The following SEPHS1 variants were observed in gnomAD, a reference collection of about 807,000 sequenced individuals.
SEPHS1 encodes selenophosphate synthetase 1.
Under a neutral mutation model 39.2 loss-of-function variants are expected in SEPHS1, and 7 were observed. The observed-to-expected ratio is 0.18, with a 90% CI of 0.10 to 0.34. The LOEUF (loss-of-function observed/expected upper bound fraction) is 0.34, where lower values mean the gene tolerates loss of function less well. SEPHS1 is among the 10% of genes least tolerant of loss of function. SEPHS1 has a pLI of 1.00. For missense variants in SEPHS1, 253 were observed against 514.5 expected, an observed-to-expected ratio of 0.49 and a Z score of 4.92; for synonymous variants, 190 against 195.5, an observed-to-expected ratio of 0.97 and a Z score of 0.23.
intron 7 of SEPHS1, among the ~76,000 whole-genome samples, chr10:13,324,369 G>A (rs907510982): frequency 2.0e-5 from 3 of 152,176 alleles, no homozygotes; most frequent in African/African-American, 4.8e-5. Context: ...CCAAGTTCTG[G>A]CAATTATGAA....
In SEPHS1 at chr10:13,330,089, A is replaced by AC. The variant is rs755023269; in HGVS notation, c.561-302dup. 6.6e-5 allele frequency among the ~76,000 whole-genome samples: 10 copies of AC among 152,190 alleles called. No homozygotes were observed. In the South Asian group the frequency reaches 2.1e-3, roughly 32 times the overall value. ...GGAGTTCAGGACCAGCCTGGGCAAC[A>AC]CAACAAGGACCCCATTTCAAAAATA... is the stretch of plus-strand genomic sequence containing the variant. On this transcript the variant is annotated intron_variant, in intron 5 of 8. Transcript: ENST00000327347.
chr10:13,344,919 C>A lies in SEPHS1; in HGVS notation c.32G>T (p.Ser11Ile). ...CCGGAAGCTTTTGTCCAATTCGTAACTTTCCGGGTTAAAGGACTCCCGCGT... is the reference window on the plus strand; with the variant it reads ...CCGGAAGCTTTTGTCCAATTCGTAAATTTCCGGGTTAAAGGACTCCCGCGT... MSTRESFNPE[S>I]YELDKSFRLT... The change falls in exon 2 of 9, where the codon AGT becomes ATT. Residue 11 changes from serine (S) to isoleucine (I), a missense_variant. This residue lies in a region of SEPHS1 where 123 missense variants were observed against 196.8 expected (regional missense o/e 0.62). Transcript: ENST00000327347. 1 of 1,592,528 alleles carries A rather than the reference C, an allele frequency of 6.3e-7. No homozygotes were observed. Among genetic ancestry groups the A allele is most frequent in the Non-Finnish European group, 8.6e-7 (1 of 1,168,428 alleles).
chr10:13,320,965 GA>G (rs1339348242), intron 8 of SEPHS1, among the ~76,000 whole-genome samples: 1 of 152,138 alleles, frequency 6.6e-6, no homozygotes, highest in Non-Finnish European at 1.5e-5. Context: ...ACCAGCAGGG[GA>G]AAAAAACCCT....
rs183467502 is a variant in SEPHS1 at position 13,320,263 on chromosome 10, G to A, written c.965-907C>T. 6.8e-3 allele frequency among the ~76,000 whole-genome samples: 1,030 copies of A among 151,008 alleles called. 8 individuals are homozygous for A. The highest frequency in any genetic ancestry group is 0.024 in the African/African-American group (994 of 41,106). On this transcript the variant is annotated intron_variant, in intron 8 of 8. Coordinates refer to ENST00000327347, the MANE Select transcript of SEPHS1 (RefSeq NM_012247.5). The stretch of plus-strand genomic sequence containing the variant: ...GTGGTGTGATCTCGGCTCACTGCAA[G>A]CTCCACCTCCCGGGTTCACACCATT...
chr10:13,320,416 C>T (rs183791823), intron 8 of SEPHS1, among the ~76,000 whole-genome samples: 20,219 of 151,432 alleles, frequency 0.13, 1,610 homozygotes, highest in Non-Finnish European at 0.18. Context: ...CTCCTGACCT[C>T]GTGATCCACC....
intron 2 of SEPHS1, among the ~76,000 whole-genome samples, chr10:13,341,979 A>AG (rs34774726): frequency 9.6e-5 from 5 of 51,906 alleles, no homozygotes; most frequent in Non-Finnish European, 2.7e-4. Flanking sequence ...TATCTCAAGG[A>AG]AAAAAAAAAA....
Position 13,341,724 on chromosome 10 carries a change from A to G in SEPHS1, c.194-2916T>C, listed in dbSNP as rs1003592877. Among the ~76,000 whole-genome samples the G allele has an allele frequency of 2.0e-5, 3 of 152,066 alleles. No individual in the cohort carries two copies. The South Asian group carries it at 6.2e-4, about 31-fold the overall frequency. On this transcript the variant is annotated intron_variant, in intron 2 of 8. Transcript: ENST00000327347. Reference sequence around the variant, plus strand: ...TTAATCCCAGCACTTTGGGAGGCCGAGGTGGGCAGATCACTTAGAGTCAGG... The same window carrying G: ...TTAATCCCAGCACTTTGGGAGGCCGGGGTGGGCAGATCACTTAGAGTCAGG...
intron 3 of SEPHS1, among the ~76,000 whole-genome samples, chr10:13,337,159 C>CA (rs113227904): frequency 1.6e-3 from 219 of 140,408 alleles, no homozygotes; most frequent in African/African-American, 3.9e-3. Flanking sequence ...TAAACAACAA[C>CA]AAAAAAAAAA....
At chr10:13,336,051 G>T (rs1027820649) in intron 4 of SEPHS1, among the ~76,000 whole-genome samples, 192 bp downstream of exon 4, 2 of 151,680 alleles carry the variant, frequency 1.3e-5, no homozygotes, top group African/African-American at 4.8e-5. Flanking sequence ...TGGCAGAAGT[G>T]CAGAGATGAC....
chr10:13,323,174 A>G (rs1172763929), intron 7 of SEPHS1, 127 bp from the exon 8 acceptor site: 3 of 764,918 alleles, frequency 3.9e-6, no homozygotes, highest in Admixed American at 5.0e-5. Context: ...TGAAAACGCA[A>G]TGTAAAATCA....
At chr10:13,342,076 G>C (rs997340958) in intron 2 of SEPHS1, among the ~76,000 whole-genome samples, 2 of 148,526 alleles carry the variant, frequency 1.3e-5, no homozygotes, top group Non-Finnish European at 3.0e-5. Flanking sequence ...TCAGGAGATC[G>C]AGACCACTGT....
chr10:13,346,011 T>A (rs547770710), intron 1 of SEPHS1, among the ~76,000 whole-genome samples: 5 of 151,770 alleles, frequency 3.3e-5, no homozygotes, highest in Admixed American at 3.3e-4. Context: ...GAAAGTTCTC[T>A]GATGTTTTCA....
At chr10:13,326,694 T>C (rs1299735536) in intron 7 of SEPHS1, among the ~76,000 whole-genome samples, 1 of 151,904 alleles carries the variant, frequency 6.6e-6, no homozygotes, top group Non-Finnish European at 1.5e-5. Context: ...ACTACAGGAA[T>C]GCACCAGGCG....
At chr10:13,335,813 C>G (rs753254940) in intron 4 of SEPHS1, among the ~76,000 whole-genome samples, 2 of 151,434 alleles carry the variant, frequency 1.3e-5, no homozygotes, top group African/African-American at 2.4e-5. Flanking sequence ...AACCCCGTCT[C>G]TAATAAAAAT....
At chr10:13,320,320 T>TA (rs1162021192) in intron 8 of SEPHS1, among the ~76,000 whole-genome samples, 2 of 151,972 alleles carry the variant, frequency 1.3e-5, no homozygotes, top group Admixed American at 1.3e-4. Context: ...TAGCTGGGAC[T>TA]ACAGGCGCCC....
At chr10:13,323,080 A>G (rs1833162408) in intron 7 of SEPHS1, 33 bp from the exon 8 acceptor site, 1 of 1,582,130 alleles carries the variant, frequency 6.3e-7, no homozygotes, top group Admixed American at 1.7e-5. Flanking sequence ...CTGAGAAAAA[A>G]CACCTTTCCT....
rs775258257 is a variant in SEPHS1 at position 13,338,850 on chromosome 10, A to T, written c.194-42T>A. 12 of 1,442,620 alleles carry T rather than the reference A, an allele frequency of 8.3e-6. No homozygotes were observed. The Admixed American group carries it at 2.0e-4, about 24-fold the overall frequency. 89.4% of individuals were successfully genotyped at this position (1,442,620 alleles called of 1,614,324 possible). A position where few individuals can be genotyped will look rare whatever the true frequency, so the allele number is the denominator to read the frequency against. ...CATTAGCATCCAAAAATAAAACGGG[A>T]AAGCCATTTCATTTTATATCACCAG... On this transcript the variant is annotated intron_variant, in intron 2 of 8. Coordinates refer to ENST00000327347, the MANE Select transcript of SEPHS1 (RefSeq NM_012247.5).
chr10:13,340,382 G>C (rs1833749870), intron 2 of SEPHS1, among the ~76,000 whole-genome samples: 1 of 152,150 alleles, frequency 6.6e-6, no homozygotes, highest in African/African-American at 2.4e-5. Flanking sequence ...TCATCTGTCA[G>C]AGGAGAACGT....
At chr10:13,342,738 TC>T (rs1465060209) in intron 2 of SEPHS1, among the ~76,000 whole-genome samples, 3 of 151,612 alleles carry the variant, frequency 2.0e-5, no homozygotes, top group Non-Finnish European at 4.4e-5. Flanking sequence ...AAAACAGTAA[TC>T]TTTTTTTTTT....
Sources: gnomAD v4.1 joint callset for allele counts (sites outside exome capture counted in the v4.1 genomes callset) on GRCh38, gnomAD v4.1.1 for gene constraint, gnomAD v4.1.1 regional missense constraint, MANE v1.5 for transcripts, NCBI Gene and HGNC (gene_info 2026-07-23, HGNC 2026-07-21) for gene names.